EPHA6: variants seen among roughly 807,000 people sequenced by gnomAD.
EPHA6 encodes the protein EPH receptor A6.
In EPHA6, 50 loss-of-function variants were observed where a neutral mutation model predicts 112.0. The observed-to-expected ratio is 0.45, with a 90% CI of 0.36 to 0.56. EPHA6 has a LOEUF of 0.56. EPHA6 is among the 20% of genes least tolerant of loss of function. EPHA6 has a pLI of 0.00. For missense variants in EPHA6, 1,280 were observed against 1,417.4 expected (o/e 0.90, Z 1.56); for synonymous variants, 529 against 490.7 (o/e 1.08, Z -1.03).
chr3:97,553,215 C>T (rs1200376242), intron 11 of EPHA6, among the ~76,000 whole-genome samples: 2 of 152,072 alleles, frequency 1.3e-5, no homozygotes, highest in Non-Finnish European at 2.9e-5. Context: ...ATCTCCCCTT[C>T]ACCCCTGCTA....
At chr3:97,355,684 T>C (rs993943105) in intron 5 of EPHA6, among the ~76,000 whole-genome samples, 7 of 152,126 alleles carry the variant, frequency 4.6e-5, no homozygotes, top group Admixed American at 3.9e-4. Flanking sequence ...TACTTACCAA[T>C]AACAACATTG....
intron 5 of EPHA6, among the ~76,000 whole-genome samples, chr3:97,269,318 C>T (rs1421393358): frequency 4.6e-5 from 7 of 152,142 alleles, no homozygotes; most frequent in Non-Finnish European, 1.0e-4. Flanking sequence ...TCCCATTTGT[C>T]AATTACTCCA....
Position 97,751,537 on chromosome 3 carries a change from G to T in EPHA6, c.*2836G>T, listed in dbSNP as rs972887685. On this transcript the variant is annotated 3_prime_UTR_variant, in exon 18 of 18. Transcript: ENST00000389672. The stretch of plus-strand genomic sequence containing the variant: ...TTAAAATATAAGGATTTACTATAAG[G>T]ATTTACTGCCTACCAATCATGGACC... Among the ~76,000 whole-genome samples the T allele has an allele frequency of 6.6e-6, 1 of 151,992 alleles. No homozygotes were observed. Among genetic ancestry groups the T allele is most frequent in the South Asian group, 2.1e-4 (1 of 4,816 alleles).
intron 6 of EPHA6, among the ~76,000 whole-genome samples, chr3:97,419,539 C>A (rs976399977): frequency 5.3e-5 from 8 of 151,928 alleles, no homozygotes; most frequent in Admixed American, 4.6e-4. Flanking sequence ...GCAGGAGAAT[C>A]GCTTGAACCT....
chr3:97,240,633 A>T (rs2078818097), intron 4 of EPHA6, among the ~76,000 whole-genome samples: 1 of 151,850 alleles, frequency 6.6e-6, no homozygotes. Context: ...CGTGAAACAT[A>T]AATCTGTACT....
chr3:97,526,081 G>A (rs1025232173), intron 10 of EPHA6, among the ~76,000 whole-genome samples: 2 of 152,192 alleles, frequency 1.3e-5, no homozygotes, highest in Admixed American at 6.5e-5. Flanking sequence ...GAATAGGTAT[G>A]TGTACAGTGG....
intron 3 of EPHA6, among the ~76,000 whole-genome samples, chr3:97,058,786 G>C (rs1220846269): frequency 6.6e-6 from 1 of 152,084 alleles, no homozygotes; most frequent in African/African-American, 2.4e-5. Context: ...TGATTTAAAG[G>C]GTGTTCTAAT....
chr3:97,632,110 T>A (rs569255006), intron 13 of EPHA6, among the ~76,000 whole-genome samples: 15 of 152,166 alleles, frequency 9.9e-5, no homozygotes, highest in African/African-American at 3.6e-4. Context: ...AGTCAACACT[T>A]CAGTACTTCT....
At chr3:97,193,018 A>T (rs773194837) in intron 3 of EPHA6, among the ~76,000 whole-genome samples, 1 of 152,148 alleles carries the variant, frequency 6.6e-6, no homozygotes, top group Non-Finnish European at 1.5e-5. Flanking sequence ...TTATGCCGAC[A>T]CTATGCTGTT....
intron 3 of EPHA6, among the ~76,000 whole-genome samples, chr3:97,113,738 T>G (rs2047796971): frequency 6.6e-6 from 1 of 152,126 alleles, no homozygotes; most frequent in South Asian, 2.1e-4. Flanking sequence ...TCTGCCTTCC[T>G]TCCCCATAAA....
In EPHA6 at chr3:97,146,780, A is replaced by G. The variant is rs1387024754; in HGVS notation, c.1115-79484A>G. 7.9e-5 allele frequency among the ~76,000 whole-genome samples: 12 copies of G among 151,964 alleles called. No homozygotes were observed. The East Asian group carries it at 2.3e-3, about 29-fold the overall frequency. ...GTCTTGATTATACTAACAGCTTTCT[A>G]ATTGTTTCCCACTTCTAATTCCTTT... On this transcript the variant is annotated intron_variant, in intron 3 of 17. Transcript: ENST00000389672.
At chr3:97,496,999 C>T (rs2091997243) in intron 10 of EPHA6, among the ~76,000 whole-genome samples, 1 of 152,128 alleles carries the variant, frequency 6.6e-6, no homozygotes, top group Non-Finnish European at 1.5e-5. Flanking sequence ...TCCCAGGATC[C>T]AACCTCGTTT....
chr3:97,628,950 T>G (rs1368845760), intron 13 of EPHA6, among the ~76,000 whole-genome samples: 3 of 151,996 alleles, frequency 2.0e-5, no homozygotes, highest in Non-Finnish European at 1.5e-5. Context: ...GTTTGTTTAT[T>G]TATTTATTTG....
intron 12 of EPHA6, among the ~76,000 whole-genome samples, chr3:97,606,939 A>G (rs374056294): frequency 1.3e-5 from 2 of 151,108 alleles, no homozygotes; most frequent in South Asian, 2.1e-4. Flanking sequence ...AATCTAAGTT[A>G]TCACCACACA....
intron 2 of EPHA6, among the ~76,000 whole-genome samples, chr3:96,965,829 G>T (rs2042104676): frequency 6.6e-6 from 1 of 152,014 alleles, no homozygotes; most frequent in Non-Finnish European, 1.5e-5. Flanking sequence ...CTTATAAAGG[G>T]TTTATGTAGA....
At chr3:97,249,961 C>A (rs1264847884) in intron 5 of EPHA6, among the ~76,000 whole-genome samples, 1 of 152,016 alleles carries the variant, frequency 6.6e-6, no homozygotes, top group Non-Finnish European at 1.5e-5. Flanking sequence ...AGTGATAGGT[C>A]CCATGAGGAA....
At chr3:96,918,331 T>A (rs527828948) in intron 2 of EPHA6, among the ~76,000 whole-genome samples, 1 of 152,320 alleles carries the variant, frequency 6.6e-6, no homozygotes, top group South Asian at 2.1e-4. Context: ...AGTCTAATGT[T>A]ATTAACACAT....
intron 3 of EPHA6, among the ~76,000 whole-genome samples, chr3:96,989,545 T>C (rs1414357835): frequency 6.6e-6 from 1 of 152,196 alleles, no homozygotes; most frequent in Non-Finnish European, 1.5e-5. Flanking sequence ...TGTATTAGTT[T>C]GTTCTCATAC....
At chr3:97,575,928 T>C (rs952679317) in intron 11 of EPHA6, among the ~76,000 whole-genome samples, 1 of 152,016 alleles carries the variant, frequency 6.6e-6, no homozygotes, top group Admixed American at 6.6e-5. Context: ...TTTCACTACA[T>C]AGAAACCACA....
Sources: gnomAD v4.1 joint callset for allele counts (sites outside exome capture counted in the v4.1 genomes callset) on GRCh38, gnomAD v4.1.1 for gene constraint, MANE v1.5 for transcripts, NCBI Gene and HGNC (gene_info 2026-07-23, HGNC 2026-07-21) for gene names.